Variants in GLP2R observed in about 807,000 individuals in gnomAD.
GLP2R encodes the protein glucagon-like peptide 2 receptor.
In GLP2R, 59 loss-of-function variants were observed where a neutral mutation model predicts 68.2. The ratio of observed to expected loss-of-function variants is 0.87; its 90% CI spans 0.70 to 1.07. GLP2R has a LOEUF of 1.07. Among genes scored for constraint, GLP2R ranks in the 50% least tolerant of loss-of-function variants. The pLI is 0.00. For synonymous variants in GLP2R, 270 were observed against 265.4 expected (o/e 1.02, Z -0.17); for missense variants, 548 against 677.4 (o/e 0.81, Z 2.12).
rs143078955 is a variant in GLP2R at position 9,871,967 on chromosome 17, C to T, written c.1145+1132C>T. ...CTCAAACTCCTGACCTCATGATCCACTAGCCTTGGCCTCCCAAAGTGCTGG... is the reference window on the plus strand; with the variant it reads ...CTCAAACTCCTGACCTCATGATCCATTAGCCTTGGCCTCCCAAAGTGCTGG... On this transcript the variant is annotated intron_variant, in intron 10 of 12. Transcript: ENST00000262441. 4.2e-3 allele frequency among the ~76,000 whole-genome samples: 633 copies of T among 152,310 alleles called. 2 individuals carry two copies. Among genetic ancestry groups the T allele is most frequent in the African/African-American group, 0.015 (605 of 41,580 alleles).
chr17:9,840,254 C>T (rs56961609), intron 3 of GLP2R, among the ~76,000 whole-genome samples: 3,343 of 152,300 alleles, frequency 0.022, 106 homozygotes, highest in African/African-American at 0.076. Context: ...GGATTACAGG[C>T]GTGAGCCACC....
intron 9 of GLP2R, among the ~76,000 whole-genome samples, chr17:9,864,826 C>T (rs2067020091): frequency 1.3e-5 from 2 of 152,120 alleles, no homozygotes; most frequent in Non-Finnish European, 2.9e-5. Flanking sequence ...TCTGGCCCCA[C>T]TGTAGTTTTA....
intron 11 of GLP2R, among the ~76,000 whole-genome samples, chr17:9,883,429 TA>T (rs2067214468): frequency 6.6e-6 from 1 of 152,012 alleles, no homozygotes; most frequent in African/African-American, 2.4e-5. Flanking sequence ...ATAGAAATGG[TA>T]GAATAAATAT....
chr17:9,864,933 G>C (rs1052303337), intron 9 of GLP2R, among the ~76,000 whole-genome samples: 1 of 152,098 alleles, frequency 6.6e-6, no homozygotes, highest in Non-Finnish European at 1.5e-5. Context: ...GTTTCCCTTG[G>C]TGCTTCCTAG....
chr17:9,830,691 T>C lies in GLP2R; in HGVS notation c.190-3116T>C, dbSNP rs1003045974. ...ATTTTTCAAGGGAAGTACAGTGATATGTAGCATTTTCCAGACACCATGCAA... is the reference window on the plus strand; with the variant it reads ...ATTTTTCAAGGGAAGTACAGTGATACGTAGCATTTTCCAGACACCATGCAA... On this transcript the variant is annotated intron_variant, in intron 1 of 12. Transcript: ENST00000262441. Among the ~76,000 whole-genome samples, 3 of 152,210 alleles carry C rather than the reference T, an allele frequency of 2.0e-5. No individual in the cohort carries two copies. The South Asian group carries it at 6.2e-4, about 32-fold the overall frequency.
At chr17:9,853,519 T>C (rs1230035229) in intron 4 of GLP2R, among the ~76,000 whole-genome samples, 4 of 152,344 alleles carry the variant, frequency 2.6e-5, no homozygotes, top group South Asian at 4.1e-4. Context: ...TCAGGAGTTA[T>C]ATTAAGAGAG....
intron 10 of GLP2R, among the ~76,000 whole-genome samples, chr17:9,873,482 C>T (rs1039994715): frequency 2.7e-5 from 4 of 150,542 alleles, no homozygotes; most frequent in East Asian, 3.9e-4. Context: ...ACAGAGCAGC[C>T]GTGTCCAACC....
At chr17:9,864,567 G>A (rs2067017816) in intron 9 of GLP2R, among the ~76,000 whole-genome samples, 1 of 152,016 alleles carries the variant, frequency 6.6e-6, no homozygotes, top group Admixed American at 6.6e-5. Flanking sequence ...TTGTCACCCA[G>A]GCTGGAATGC....
At position 9,888,366 on chromosome 17, in the gene GLP2R, G is replaced by A. The variant is rs567974178; in HGVS notation, c.1326+393G>A. Among the ~76,000 whole-genome samples the A allele has an allele frequency of 4.6e-5, 7 of 152,300 alleles. No individual in the cohort carries two copies. In the South Asian group the frequency reaches 1.5e-3, roughly 32 times the overall value. ...CCTCACTTTCCTCATCAGTAACATG[G>A]GAGCAACAATCATCCCTGCTTTGTA... On this transcript the variant is annotated intron_variant, in intron 12 of 12. Transcript: ENST00000262441.
intron 3 of GLP2R, among the ~76,000 whole-genome samples, chr17:9,837,054 T>C (rs8069383): frequency 0.72 from 109,834 of 151,642 alleles, 41,441 homozygotes; most frequent in East Asian, 1. Flanking sequence ...GGGATTTCAC[T>C]GTGTTAGCCA....
chr17:9,864,075 C>T (rs941197301), intron 9 of GLP2R, among the ~76,000 whole-genome samples: 1 of 152,198 alleles, frequency 6.6e-6, no homozygotes, highest in Non-Finnish European at 1.5e-5. Context: ...GGTTCTCAAA[C>T]TGGGTTGCTC....
intron 5 of GLP2R, among the ~76,000 whole-genome samples, chr17:9,857,209 G>A (rs755360631): frequency 6.6e-5 from 10 of 152,280 alleles, no homozygotes; most frequent in South Asian, 2.1e-4. Flanking sequence ...GTGAGCCACC[G>A]CGCCTGGCCG....
intron 4 of GLP2R, among the ~76,000 whole-genome samples, chr17:9,847,296 T>C (rs1250457426): frequency 6.6e-6 from 1 of 152,008 alleles, no homozygotes; most frequent in Non-Finnish European, 1.5e-5. Context: ...TGAAACGGAG[T>C]TTCGCTCTTG....
intron 4 of GLP2R, chr17:9,852,772 G>T: frequency 4.0e-6 from 1 of 253,024 alleles, no homozygotes. Context: ...TTTTTCTTCA[G>T]TTTCCTCATC....
intron 3 of GLP2R, 63 bp downstream of exon 3, chr17:9,836,538 C>T (rs545201084): frequency 1.1e-6 from 1 of 878,380 alleles, no homozygotes; most frequent in South Asian, 1.3e-5. Context: ...CCTCTTCCCC[C>T]ACAAACAGTC....
intron 11 of GLP2R, among the ~76,000 whole-genome samples, chr17:9,882,038 T>TAAAAAA (rs60129746): frequency 1.1e-4 from 12 of 113,652 alleles, no homozygotes; most frequent in African/African-American, 3.2e-4. Flanking sequence ...ACACATTAAC[T>TAAAAAA]AAAAAAAAAA....
At chr17:9,861,262 A>G in intron 8 of GLP2R, 63 bp downstream of exon 8, 1 of 1,046,416 alleles carries the variant, frequency 9.6e-7, no homozygotes, top group African/African-American at 1.6e-5. Context: ...GCCTAAATAC[A>G]AAGAATGACA....
chr17:9,843,560 G>A (rs1160693538), intron 4 of GLP2R, among the ~76,000 whole-genome samples: 2 of 152,192 alleles, frequency 1.3e-5, no homozygotes, highest in Non-Finnish European at 2.9e-5. Context: ...TGGCTTCCCA[G>A]GAAAGGTTTT....
chr17:9,843,154 G>C (rs1033226035), intron 4 of GLP2R, among the ~76,000 whole-genome samples: 3 of 152,124 alleles, frequency 2.0e-5, no homozygotes, highest in Non-Finnish European at 4.4e-5. Context: ...TGTGTGCCTC[G>C]AGGGAGTGGC....
Sources: allele counts gnomAD v4.1 joint callset (sites outside exome capture counted in the v4.1 genomes callset), GRCh38; gene constraint gnomAD v4.1.1; transcripts MANE v1.5; gene names NCBI Gene and HGNC (gene_info 2026-07-23, HGNC 2026-07-21).